The following SLC20A1 variants were observed in gnomAD, a reference collection of about 807,000 sequenced individuals.
SLC20A1 encodes the protein sodium-dependent phosphate transporter 1.
A neutral mutation model predicts 62.7 loss-of-function variants in SLC20A1; 28 were observed. The observed-to-expected ratio is 0.45, with a 90% CI of 0.33 to 0.61. SLC20A1 has a LOEUF of 0.61. Ranked by LOEUF, SLC20A1 falls within the 20% of genes least tolerant of loss-of-function variation. The pLI, the probability that SLC20A1 is intolerant of heterozygous loss-of-function variation, is 0.02. For synonymous variants in SLC20A1, 305 were observed against 302.9 expected (o/e 1.01, Z -0.07); for missense variants, 673 against 838.6 (o/e 0.80, Z 2.44).
chr2:112,653,938 G>A (rs776190809), intron 5 of SLC20A1, among the ~76,000 whole-genome samples: 9 of 151,852 alleles, frequency 5.9e-5, no homozygotes, highest in Non-Finnish European at 8.8e-5. Flanking sequence ...GATTACAGGC[G>A]TGCACCACCA....
At position 112,659,362 on chromosome 2, in the gene SLC20A1, T is replaced by C; in HGVS notation, c.1207T>C (p.Cys403Arg). The C allele has an allele frequency of 6.2e-7, 1 of 1,614,166 alleles. No individual in the cohort carries two copies. Among genetic ancestry groups the C allele is most frequent in the Middle Eastern group, 1.6e-4 (1 of 6,062 alleles). Residue 403 changes from cysteine to arginine, a missense_variant, in exon 8 of 11, where the codon TGC becomes CGC. By Grantham distance (180) the Cys-to-Arg change is radical. Coordinates refer to ENST00000272542, the MANE Select transcript of SLC20A1 (RefSeq NM_005415.5). ...HKLHLAKVGDCMGDSGDKPLR... is the reference protein window; with the variant it reads ...HKLHLAKVGDRMGDSGDKPLR... ...ATTACATCTTGCCAAGGTGGGAGAT[T>C]GCATGGGAGACTCCGGTGACAAACC...
intron 4 of SLC20A1, among the ~76,000 whole-genome samples, chr2:112,650,376 A>G (rs1280655784): frequency 7.2e-6 from 1 of 138,834 alleles, no homozygotes; most frequent in Non-Finnish European, 1.5e-5. Context: ...TCTGTTGCCC[A>G]GGCTGGAATG....
chr2:112,654,713 G>C (rs993446036), intron 5 of SLC20A1, among the ~76,000 whole-genome samples: 2 of 151,872 alleles, frequency 1.3e-5, no homozygotes, highest in African/African-American at 4.8e-5. Context: ...TGGCCAAGTT[G>C]GTGAAACCTC....
intron 4 of SLC20A1, among the ~76,000 whole-genome samples, chr2:112,648,983 A>G (rs1686358238): frequency 6.6e-6 from 1 of 152,236 alleles, no homozygotes; most frequent in Non-Finnish European, 1.5e-5. Flanking sequence ...AAGCATTAGT[A>G]GGATCTCCTG....
At chr2:112,647,950 A>G (rs1036648741) in intron 4 of SLC20A1, among the ~76,000 whole-genome samples, 23 of 152,232 alleles carry the variant, frequency 1.5e-4, no homozygotes, top group African/African-American at 5.1e-4. Context: ...GAAAAATTGA[A>G]TACTATGATG....
intron 5 of SLC20A1, among the ~76,000 whole-genome samples, chr2:112,656,524 T>A (rs1686594673): frequency 6.6e-6 from 1 of 152,198 alleles, no homozygotes; most frequent in East Asian, 1.9e-4. Context: ...TTTACAACTA[T>A]TCTTAAATTA....
At chr2:112,651,199 G>T (rs1686425279) in intron 4 of SLC20A1, among the ~76,000 whole-genome samples, 1 of 152,108 alleles carries the variant, frequency 6.6e-6, no homozygotes, top group African/African-American at 2.4e-5. Context: ...TTACACATGG[G>T]TCTGAGCTTT....
At chr2:112,657,274 C>T in intron 6 of SLC20A1, 33 bp downstream of exon 6, 1 of 1,594,938 alleles carries the variant, frequency 6.3e-7, no homozygotes, top group Non-Finnish European at 8.6e-7. Context: ...AAAAGTTTAA[C>T]TACTAATGTT....
Position 112,663,262 on chromosome 2 carries a change from C to A in SLC20A1, c.*237C>A. On this transcript the variant is annotated 3_prime_UTR_variant, in exon 11 of 11. Transcript: ENST00000272542. The stretch of plus-strand genomic sequence containing the variant: ...GCTCCTGCTGAGGTCCCCTTTCCTT[C>A]TGGGCTGTGAATTCCTGTACATATT... The A allele has an allele frequency of 3.4e-6, 2 of 585,286 alleles. No individual in the cohort carries two copies. The highest frequency in any genetic ancestry group is 1.6e-5 in the South Asian group (1 of 63,706). The allele number at this position is 585,286 out of a possible 1,614,324, so 36.3% of individuals were successfully genotyped here.
Position 112,659,061 on chromosome 2 carries a change from A to G in SLC20A1, c.1015A>G (p.Lys339Glu), listed in dbSNP as rs1686677968. 1.2e-6 allele frequency: 2 copies of G among 1,614,022 alleles called. No homozygotes were observed. The highest frequency in any genetic ancestry group is 1.3e-5 in the African/African-American group (1 of 74,922). Residue 339 changes from lysine (K) to glutamate (E), a missense_variant, in exon 7 of 11, where the codon AAA becomes GAA. Lys to Glu is a moderately conservative substitution (Grantham distance 56, BLOSUM62 1). Coordinates refer to ENST00000272542, the MANE Select transcript of SLC20A1 (RefSeq NM_005415.5). ...AGAGAGGCTTCCCAGCGTGGACTTGAAAGAGGAAACCAGCATAGATAGCAC... is the reference window on the plus strand; with the variant it reads ...AGAGAGGCTTCCCAGCGTGGACTTGGAAGAGGAAACCAGCATAGATAGCAC... ...ERERLPSVDL[K>E]EETSIDSTVN...
chr2:112,660,859 G>T, intron 9 of SLC20A1: 1 of 370,586 alleles, frequency 2.7e-6, no homozygotes. Flanking sequence ...TGTCTTGGGA[G>T]CTAAGACTCA....
At chr2:112,647,243 C>A in intron 2 of SLC20A1, 81 bp downstream of exon 2, 1 of 1,583,270 alleles carries the variant, frequency 6.3e-7, no homozygotes. Context: ...TGTGCATAAC[C>A]TTTCCGATTA....
chr2:112,646,578 TTTC>T lies in SLC20A1; in HGVS notation c.-249_-247del, dbSNP rs1228992378. The T allele has an allele frequency of 5.5e-6, 1 of 180,310 alleles. No homozygotes were observed. The highest frequency in any genetic ancestry group is 1.1e-5 in the Non-Finnish European group (1 of 88,350). The allele number at this position is 180,310 out of a possible 1,614,324, so 11.2% of individuals were successfully genotyped here. A position where few individuals can be genotyped will look rare whatever the true frequency, so the allele number is the denominator to read the frequency against. On this transcript the variant is annotated 5_prime_UTR_variant, in exon 2 of 11. Coordinates refer to ENST00000272542, the MANE Select transcript of SLC20A1 (RefSeq NM_005415.5). Reference sequence around the variant, plus strand: ...TCCCCCGCAGGATGAACTTGCGTCCTTTCTCTTCTCCGCCATGGAATTCTGCTC... The same window carrying T: ...TCCCCCGCAGGATGAACTTGCGTCCTTCTTCTCCGCCATGGAATTCTGCTC...
In SLC20A1 at chr2:112,659,371, G is replaced by A; in HGVS notation, c.1216G>A (p.Asp406Asn). 5 of 1,614,200 alleles carry A rather than the reference G, an allele frequency of 3.1e-6. No homozygotes were observed. In the South Asian group the frequency reaches 5.5e-5, roughly 18 times the overall value. Residue 406 changes from aspartate to asparagine, a missense_variant, in exon 8 of 11, where the codon GAC (aspartate) becomes AAC (asparagine). By Grantham distance (23) the Asp-to-Asn change is conservative (BLOSUM62 1). Transcript: ENST00000272542. ...TGCCAAGGTGGGAGATTGCATGGGA[G>A]ACTCCGGTGACAAACCCTTAAGGCG... ...HLAKVGDCMGDSGDKPLRRNN... is the reference protein window; with the variant it reads ...HLAKVGDCMGNSGDKPLRRNN...
At chr2:112,648,634 A>G (rs139697050) in intron 4 of SLC20A1, among the ~76,000 whole-genome samples, 1 of 152,372 alleles carries the variant, frequency 6.6e-6, no homozygotes, top group East Asian at 1.9e-4. Context: ...TCTTCTCTGT[A>G]GAAATTCTAT....
At chr2:112,659,871 A>G (rs1170068100) in intron 8 of SLC20A1, 109 bp downstream of exon 8, 11 of 839,550 alleles carry the variant, frequency 1.3e-5, no homozygotes, top group Non-Finnish European at 1.9e-6. Context: ...AGGACCCCAA[A>G]TAATACAAAT....
chr2:112,659,735 C>G lies in SLC20A1; in HGVS notation c.1580C>G (p.Ser527Ter), dbSNP rs1686698026. 6.2e-7 allele frequency: 1 copy of G among 1,613,450 alleles called. No individual in the cohort carries two copies. The highest frequency in any genetic ancestry group is 8.5e-7 in the Non-Finnish European group (1 of 1,179,492). ...CAGATCCTTACAGCCTGCTTTGGGTCATTCGCCCATGGTGGCAATGACGTA... is the reference window on the plus strand; with the variant it reads ...CAGATCCTTACAGCCTGCTTTGGGTGATTCGCCCATGGTGGCAATGACGTA... ...FLQILTACFG[S>*]FAHGGNDVSN... The change falls in exon 8 of 11, where the codon TCA (serine) becomes TGA (stop). Residue 527 changes from serine (S) to a stop codon, truncating the protein, a stop_gained. Transcript: ENST00000272542. LOFTEE classifies it high-confidence loss of function.
rs530580800 is a variant in SLC20A1, at chr2:112,649,359, A to G, written c.561+1621A>G. Among the ~76,000 whole-genome samples, 9 of 152,344 alleles carry G rather than the reference A, an allele frequency of 5.9e-5. No homozygotes were observed. The South Asian group carries it at 1.9e-3, about 32-fold the overall frequency. On this transcript the variant is annotated intron_variant, in intron 4 of 10. Coordinates refer to ENST00000272542, the MANE Select transcript of SLC20A1 (RefSeq NM_005415.5). ...TCCCCCACTCTGTGCACGTGCACAC[A>G]CACACTCTTGCAGGCCAATCCCTCA...
rs141415875 is a variant in SLC20A1, at chr2:112,652,679, T to C, written c.562-23T>C. The C allele has an allele frequency of 8.2e-4, 1,292 of 1,568,998 alleles. 4 individuals are homozygous for C. Among genetic ancestry groups the C allele is most frequent in the Non-Finnish European group, 1.0e-3 (1,177 of 1,138,758 alleles). On this transcript the variant is annotated intron_variant, in intron 4 of 10. Coordinates refer to ENST00000272542, the MANE Select transcript of SLC20A1 (RefSeq NM_005415.5). The stretch of plus-strand genomic sequence containing the variant: ...GTTAACCTTTATACCTTTTAAGATA[T>C]TGATCTTAATGATGTTTTACAGGCA...
Sources: allele counts gnomAD v4.1 joint callset (sites outside exome capture counted in the v4.1 genomes callset), GRCh38; gene constraint gnomAD v4.1.1; transcripts MANE v1.5; gene names NCBI Gene and HGNC (gene_info 2026-07-23, HGNC 2026-07-21).